The following HDHD5 variants were observed in gnomAD, a reference collection of about 807,000 sequenced individuals.
HDHD5 encodes the protein haloacid dehalogenase-like hydrolase domain-containing 5.
A neutral mutation model predicts 35.5 loss-of-function variants in HDHD5; 34 were observed. The observed-to-expected ratio is 0.96, with a 90% CI of 0.73 to 1.28. The LOEUF is 1.28. Ranked by LOEUF, HDHD5 falls within the 50% of genes most tolerant of loss-of-function variation. HDHD5 has a pLI of 0.00. For synonymous variants in HDHD5, 248 were observed against 240.6 expected, an observed-to-expected ratio of 1.03 and a Z score of -0.29; for missense variants, 589 against 560.2, an observed-to-expected ratio of 1.05 and a Z score of -0.52.
At chr22:17,164,023 C>A (rs2061877901), upstream of HDHD5, among the ~76,000 whole-genome samples, 1 of 152,140 alleles carries the variant, frequency 6.6e-6, no homozygotes, top group South Asian at 2.1e-4. Flanking sequence ...GAGTTCGAGA[C>A]CAGCCTGGCC....
chr22:17,143,811 T>A (rs905151845), intron 4 of HDHD5, among the ~76,000 whole-genome samples: 4 of 152,258 alleles, frequency 2.6e-5, no homozygotes, highest in African/African-American at 7.2e-5. Flanking sequence ...TATCTGTTTA[T>A]AACTGCATGT....
At chr22:17,164,202 C>T (rs1262625939), upstream of HDHD5, among the ~76,000 whole-genome samples, 1 of 133,238 alleles carries the variant, frequency 7.5e-6, no homozygotes, top group Non-Finnish European at 1.5e-5. Context: ...GCCTAGGCGA[C>T]AGAGTGAGAC....
chr22:17,159,466 G>T (rs1225820917), upstream of HDHD5: 5 of 539,734 alleles, frequency 9.3e-6, no homozygotes, highest in Admixed American at 2.3e-5. Flanking sequence ...CTCCTAGACC[G>T]AGATCGCGGT....
intron 1 of HDHD5, among the ~76,000 whole-genome samples, chr22:17,156,751 G>A (rs2061796784): frequency 6.6e-6 from 1 of 151,452 alleles, no homozygotes; most frequent in African/African-American, 2.4e-5. Flanking sequence ...ACTCCAGCCT[G>A]GGCAACAGAG....
intron 2 of HDHD5, 94 bp from the exon 3 acceptor site, chr22:17,148,654 G>GA (rs3214349): frequency 0.54 from 485,200 of 895,170 alleles, 137,322 homozygotes; most frequent in East Asian, 0.71. Flanking sequence ...CCTAGGGAAG[G>GA]AAAAAACCCG....
At chr22:17,161,999 A>C (rs1464848245), upstream of HDHD5, among the ~76,000 whole-genome samples, 1 of 152,142 alleles carries the variant, frequency 6.6e-6, no homozygotes, top group African/African-American at 2.4e-5. Context: ...GTTGATTTCC[A>C]AGGCTAGGTC....
At chr22:17,159,291 C>CCT, upstream of HDHD5, 1 of 1,237,872 alleles carries the variant, frequency 8.1e-7, no homozygotes, top group Non-Finnish European at 1.0e-6. Context: ...GTGCGGCCCC[C>CCT]CCCCCCCGCG....
At chr22:17,148,898 C>T (rs2061695541) in intron 2 of HDHD5, among the ~76,000 whole-genome samples, 1 of 152,150 alleles carries the variant, frequency 6.6e-6, no homozygotes, top group Admixed American at 6.5e-5. Context: ...CTGTCACTGT[C>T]GCAGAAACTG....
chr22:17,141,244 C>A lies in HDHD5; in HGVS notation c.572-11G>T. The stretch of plus-strand genomic sequence containing the variant: ...CTAGGAGGAGCACCCCTTTAAAGAA[C>A]AGAGGCGCAGGTGAGGGCTGCAGGG... On this transcript the variant is annotated splice_polypyrimidine_tract_variant and intron_variant, in intron 5 of 7. Coordinates refer to ENST00000336737, the MANE Select transcript of HDHD5 (RefSeq NM_033070.3). 6.3e-7 allele frequency: 1 copy of A among 1,586,500 alleles called. No homozygotes were observed. Among genetic ancestry groups the A allele is most frequent in the Non-Finnish European group, 8.6e-7 (1 of 1,169,076 alleles).
At chr22:17,149,796 C>T (rs761961848) in intron 1 of HDHD5, 51 bp from the exon 2 acceptor site, 1 of 1,543,202 alleles carries the variant, frequency 6.5e-7, no homozygotes, top group Admixed American at 1.7e-5. Flanking sequence ...AAGAAACAAC[C>T]CTTACAAAGA....
intron 1 of HDHD5, among the ~76,000 whole-genome samples, chr22:17,154,125 G>C (rs2061758248): frequency 6.6e-6 from 1 of 150,936 alleles, no homozygotes. Context: ...GCCTCCCAAA[G>C]TGCTGGGATT....
intron 1 of HDHD5, among the ~76,000 whole-genome samples, chr22:17,151,724 T>TG (rs2061727080): frequency 7.4e-6 from 1 of 134,332 alleles, no homozygotes. Context: ...AGCTAGACTC[T>TG]ACTAAAAAAA....
chr22:17,139,023 CCA>C (rs1307366996), intron 6 of HDHD5, among the ~76,000 whole-genome samples: 7 of 152,212 alleles, frequency 4.6e-5, no homozygotes, highest in Non-Finnish European at 8.8e-5. Context: ...CAGTCTGACT[CCA>C]GAGCTTAAAT....
chr22:17,149,257 C>T (rs1370937309), intron 2 of HDHD5, among the ~76,000 whole-genome samples: 3 of 152,170 alleles, frequency 2.0e-5, no homozygotes, highest in Non-Finnish European at 4.4e-5. Context: ...CAAGGTGTGA[C>T]GCCAGAGCCA....
At chr22:17,138,865 T>C (rs1359212129) in intron 6 of HDHD5, 127 bp from the exon 7 acceptor site, 1 of 949,766 alleles carries the variant, frequency 1.1e-6, no homozygotes, top group East Asian at 2.5e-5. Context: ...AGCTGACATG[T>C]AGCAGACACT....
chr22:17,160,659 AAAAT>A (rs1348728481), upstream of HDHD5, among the ~76,000 whole-genome samples: 56 of 150,008 alleles, frequency 3.7e-4, no homozygotes, highest in Non-Finnish European at 7.8e-4. Flanking sequence ...GAAAAAAAAA[AAAAT>A]AATAATAATA....
upstream of HDHD5, chr22:17,159,377 AGCCCGTCGGGC>A (rs1439130250): frequency 8.9e-7 from 1 of 1,122,342 alleles, no homozygotes; most frequent in African/African-American, 1.7e-5. Context: ...AAGCGCGCGG[AGCCCGTCGGGC>A]GCCTATGGAA....
intron 1 of HDHD5, among the ~76,000 whole-genome samples, chr22:17,153,732 C>T (rs1024919727): frequency 1.3e-5 from 2 of 152,158 alleles, no homozygotes; most frequent in Admixed American, 6.5e-5. Flanking sequence ...TACCCCCATA[C>T]CTGACACAGT....
Position 17,159,240 on chromosome 22 carries a change from C to T in HDHD5, c.12G>A (p.Trp4Ter), listed in dbSNP as rs1601407117. 2.3e-6 allele frequency: 3 copies of T among 1,286,684 alleles called. No homozygotes were observed. The East Asian group carries it at 1.1e-4, about 46-fold the overall frequency. 79.7% of individuals were successfully genotyped at this position (1,286,684 alleles called of 1,614,324 possible). Residue 4 changes from tryptophan to a stop codon, truncating the protein, a stop_gained, in exon 1 of 8, where the codon TGG becomes TGA. Transcript: ENST00000336737. LOFTEE classifies it high-confidence loss of function. MAA[W>*]GCVAALGAAR... is the part of the protein sequence containing the mutation. The stretch of plus-strand genomic sequence containing the variant: ...CCGCGCCGAGCGCAGCCACACAGCC[C>T]CACGCAGCCATCCGGCCGTCGCCGT...
Sources: allele counts gnomAD v4.1 joint callset (sites outside exome capture counted in the v4.1 genomes callset), GRCh38; gene constraint gnomAD v4.1.1; transcripts MANE v1.5; gene names NCBI Gene and HGNC (gene_info 2026-07-23, HGNC 2026-07-21).